Variants in TSHR observed in about 807,000 individuals in gnomAD.
TSHR encodes the protein thyrotropin receptor.
In TSHR, 51 loss-of-function variants were observed where a neutral mutation model predicts 64.1. The observed-to-expected ratio is 0.80, with a 90% CI of 0.64 to 1.01. The LOEUF is 1.01. Ranked by LOEUF, TSHR falls within the 50% of genes least tolerant of loss-of-function variation. TSHR has a pLI of 0.00. For synonymous variants in TSHR, 361 were observed against 361.9 expected, an observed-to-expected ratio of 1.00 and a Z score of 0.03; for missense variants, 877 against 942.8, an observed-to-expected ratio of 0.93 and a Z score of 0.91.
intron 1 of TSHR, among the ~76,000 whole-genome samples, chr14:80,971,312 C>G (rs916504715): frequency 6.6e-6 from 1 of 152,144 alleles, no homozygotes; most frequent in East Asian, 1.9e-4. Context: ...TGATGATGTG[C>G]GTGATGTCCA....
rs767424621 is a variant in TSHR at position 81,092,519 on chromosome 14, T to C, written c.468-12T>C. The C allele has an allele frequency of 3.7e-6, 6 of 1,613,744 alleles. No homozygotes were observed. The highest frequency in any genetic ancestry group is 4.2e-6 in the Non-Finnish European group (5 of 1,179,770). On this transcript the variant is annotated splice_polypyrimidine_tract_variant and intron_variant, in intron 5 of 9. Transcript: ENST00000298171. ...TTTTTTCATTAAGTGTTTTTGTCCCTCTCTCTTGCAGTGAAATTACAGACA... is the reference window on the plus strand; with the variant it reads ...TTTTTTCATTAAGTGTTTTTGTCCCCCTCTCTTGCAGTGAAATTACAGACA...
In TSHR at chr14:81,019,457, C is replaced by CTTTT. The variant is rs1166193901; in HGVS notation, c.171-42675_171-42672dup. Among the ~76,000 whole-genome samples, 388 of 118,360 alleles carry CTTTT rather than the reference C, an allele frequency of 3.3e-3. 5 individuals are homozygous for CTTTT. Among genetic ancestry groups the CTTTT allele is most frequent in the African/African-American group, 0.012 (375 of 32,018 alleles). 77.6% of individuals were successfully genotyped at this position (118,360 alleles called of 152,430 possible). ...TGTTAGTGCAAGCAAATCATCAATT[C>CTTTT]TTTTTTTTTTTTTTTTTTTGTATTT... On this transcript the variant is annotated intron_variant, in intron 1 of 9. Coordinates refer to ENST00000298171, the MANE Select transcript of TSHR (RefSeq NM_000369.5).
intron 1 of TSHR, among the ~76,000 whole-genome samples, chr14:80,971,338 CAA>C (rs1287798546): frequency 6.6e-6 from 1 of 152,220 alleles, no homozygotes; most frequent in Non-Finnish European, 1.5e-5. Context: ...TCCGTCCCCA[CAA>C]ACTCTTATGA....
At chr14:80,961,663 A>C (rs1390524451) in intron 1 of TSHR, among the ~76,000 whole-genome samples, 1 of 151,740 alleles carries the variant, frequency 6.6e-6, no homozygotes, top group African/African-American at 2.4e-5. Flanking sequence ...TGCACACACA[A>C]AAAAAACAGT....
intron 1 of TSHR, among the ~76,000 whole-genome samples, chr14:81,059,687 A>G (rs1055969765): frequency 6.6e-6 from 1 of 152,172 alleles, no homozygotes; most frequent in Non-Finnish European, 1.5e-5. Context: ...TTGTATTATT[A>G]CTAAGACAGA....
In TSHR at chr14:80,977,901, T is replaced by G. The variant is rs73346056; in HGVS notation, c.170+22051T>G. On this transcript the variant is annotated intron_variant, in intron 1 of 9. Transcript: ENST00000298171. ...AGTTCTGAGTTTAGTCTTCAGCTCT[T>G]TCTAATATCCCCTTGCACCAGATAT... Among the ~76,000 whole-genome samples, 217 of 152,124 alleles carry G rather than the reference T, an allele frequency of 1.4e-3. 2 individuals carry two copies. The highest frequency in any genetic ancestry group is 5.0e-3 in the African/African-American group (205 of 41,374).
At chr14:81,131,043 C>G (rs1424850549) in intron 8 of TSHR, among the ~76,000 whole-genome samples, 2 of 151,002 alleles carry the variant, frequency 1.3e-5, no homozygotes, top group Non-Finnish European at 3.0e-5. Context: ...CCGTCACCAT[C>G]TGGATGTCTA....
chr14:81,137,777 T>C (rs903616731), intron 8 of TSHR, among the ~76,000 whole-genome samples: 2 of 152,228 alleles, frequency 1.3e-5, no homozygotes, highest in African/African-American at 4.8e-5. Flanking sequence ...TCTCAAGAAA[T>C]ATGTATTAAA....
intron 3 of TSHR, among the ~76,000 whole-genome samples, chr14:81,084,637 T>G (rs772701644): frequency 6.6e-6 from 1 of 152,216 alleles, no homozygotes; most frequent in Non-Finnish European, 1.5e-5. Context: ...GGCCTCAGGT[T>G]GCTGGAGGCA....
intron 3 of TSHR, chr14:81,068,616 G>A: frequency 4.8e-6 from 2 of 415,804 alleles, no homozygotes; most frequent in South Asian, 4.4e-5. Flanking sequence ...ATGTCAGTGA[G>A]ACAATAGGTA....
At chr14:81,093,720 C>T (rs578261394) in intron 6 of TSHR, 1 of 152,282 alleles carries the variant, frequency 6.6e-6, no homozygotes, top group Non-Finnish European at 1.5e-5. Context: ...CTTCTCATCA[C>T]AACCTGGTGA....
At chr14:81,001,339 G>A (rs542951246) in intron 1 of TSHR, 36 of 299,110 alleles carry the variant, frequency 1.2e-4, no homozygotes, top group African/African-American at 6.8e-4. Flanking sequence ...GGAAAAATTT[G>A]TTCCTTTTCA....
chr14:81,120,701 A>C (rs1002549363), intron 8 of TSHR, among the ~76,000 whole-genome samples: 2 of 152,176 alleles, frequency 1.3e-5, no homozygotes, highest in African/African-American at 4.8e-5. Context: ...TAGGACTTCC[A>C]GTACTATGTT....
chr14:81,143,085 T>C lies in TSHR; in HGVS notation c.1027T>C (p.Phe343Leu). 1 of 1,614,138 alleles carries C rather than the reference T, an allele frequency of 6.2e-7. No homozygotes were observed. Among genetic ancestry groups the C allele is most frequent in the Non-Finnish European group, 8.5e-7 (1 of 1,180,030 alleles). ...SIVGYKEKSK[F>L]QDTHNNAHYY... ...TGTTGGGTACAAGGAAAAGTCCAAG[T>C]TCCAGGATACTCATAACAACGCTCA... Residue 343 changes from phenylalanine to leucine, a missense_variant, in exon 10 of 10, where the codon TTC (phenylalanine) becomes CTC (leucine). By Grantham distance (22) the Phe-to-Leu change is conservative. Coordinates refer to ENST00000298171, the MANE Select transcript of TSHR (RefSeq NM_000369.5).
rs545325519 is a variant in TSHR, at chr14:81,117,223, A to C, written c.692+8771A>C. ...GAAATAGAGACACAAAAAACCCTTC[A>C]AAAAATTAATGAATCCAGGAGCTGG... On this transcript the variant is annotated intron_variant, in intron 8 of 9. Coordinates refer to ENST00000298171, the MANE Select transcript of TSHR (RefSeq NM_000369.5). Among the ~76,000 whole-genome samples the C allele has an allele frequency of 6.0e-3, 661 of 110,636 alleles. 4 individuals are homozygous for C. Among genetic ancestry groups the C allele is most frequent in the East Asian group, 0.055 (142 of 2,586 alleles). 72.6% of individuals were successfully genotyped at this position (110,636 alleles called of 152,430 possible).
At position 81,090,961 on chromosome 14, in the gene TSHR, G is replaced by A. The variant is rs768714964; in HGVS notation, c.393-108G>A. On this transcript the variant is annotated intron_variant, in intron 4 of 9. Transcript: ENST00000298171. ...GAAGGTGTTGGGAGTTTGACTACAG[G>A]TTGTCTTCAGAACCCATGCTTTCAG... is the stretch of plus-strand genomic sequence containing the variant. 5.4e-4 allele frequency: 496 copies of A among 916,136 alleles called. 1 individual carries two copies. Among genetic ancestry groups the A allele is most frequent in the Middle Eastern group, 9.3e-4 (3 of 3,220 alleles). The allele number at this position is 916,136 out of a possible 1,614,324, so 56.8% of individuals were successfully genotyped here.
chr14:81,038,225 T>C (rs1470396651), intron 1 of TSHR, among the ~76,000 whole-genome samples: 1 of 152,010 alleles, frequency 6.6e-6, no homozygotes, highest in East Asian at 1.9e-4. Context: ...AACATGCTCC[T>C]GGAACAACCA....
intron 1 of TSHR, chr14:80,982,458 C>A: frequency 1.8e-6 from 2 of 1,134,214 alleles, no homozygotes; most frequent in South Asian, 2.2e-5. Context: ...TGACTGGGGC[C>A]AGTTGCAAAC....
intron 6 of TSHR, chr14:81,094,411 C>T: frequency 6.6e-6 from 1 of 152,168 alleles, no homozygotes; most frequent in East Asian, 1.9e-4. Context: ...ACAGTTCTCA[C>T]ATCTTCATAA....
Sources: allele counts gnomAD v4.1 joint callset (sites outside exome capture counted in the v4.1 genomes callset), GRCh38; gene constraint gnomAD v4.1.1; transcripts MANE v1.5; gene names NCBI Gene and HGNC (gene_info 2026-07-23, HGNC 2026-07-21).